ADAMTS12: variants seen among roughly 807,000 people sequenced by gnomAD.
ADAMTS12 encodes the protein ADAM metallopeptidase with thrombospondin type 1 motif 12, also known as A disintegrin and metalloproteinase with thrombospondin motifs 12.
ADAMTS12 carries 118 observed loss-of-function variants against 167.8 expected under a neutral mutation model. The ratio of observed to expected loss-of-function variants is 0.70; its 90% CI spans 0.61 to 0.82. The LOEUF (loss-of-function observed/expected upper bound fraction) is 0.82. Among genes scored for constraint, ADAMTS12 ranks in the 40% least tolerant of loss-of-function variants. The pLI, the probability that ADAMTS12 is intolerant of heterozygous loss-of-function variation, is 0.00. For missense variants in ADAMTS12, 1,916 were observed against 1,998.8 expected (o/e 0.96, Z 0.79); for synonymous variants, 704 against 716.9 (o/e 0.98, Z 0.29).
At chr5:33,854,945 A>C (rs1033809957) in intron 2 of ADAMTS12, among the ~76,000 whole-genome samples, 1 of 152,196 alleles carries the variant, frequency 6.6e-6, no homozygotes, top group Non-Finnish European at 1.5e-5. Context: ...GAGGGACAAC[A>C]AACCCTGACA....
intron 2 of ADAMTS12, among the ~76,000 whole-genome samples, chr5:33,862,507 C>T (rs1340348269): frequency 6.6e-6 from 1 of 152,060 alleles, no homozygotes; most frequent in Non-Finnish European, 1.5e-5. Flanking sequence ...AAGTCAAATC[C>T]CTGAATAGAC....
chr5:33,804,058 G>C (rs1232416781), intron 2 of ADAMTS12, among the ~76,000 whole-genome samples: 1 of 152,102 alleles, frequency 6.6e-6, no homozygotes, highest in Non-Finnish European at 1.5e-5. Flanking sequence ...ATTAAAAATG[G>C]AGACAGATAT....
intron 3 of ADAMTS12, among the ~76,000 whole-genome samples, chr5:33,698,399 G>A (rs1742862715): frequency 6.6e-6 from 1 of 152,040 alleles, no homozygotes; most frequent in Non-Finnish European, 1.5e-5. Flanking sequence ...GTCCCTAACT[G>A]AGCAGTAACT....
At chr5:33,596,920 G>C (rs1406394782) in intron 16 of ADAMTS12, among the ~76,000 whole-genome samples, 1 of 152,168 alleles carries the variant, frequency 6.6e-6, no homozygotes, top group Non-Finnish European at 1.5e-5. Flanking sequence ...TGCCTTCAGA[G>C]ACCAGGTAGT....
At chr5:33,634,995 C>A (rs11748713) in intron 12 of ADAMTS12, among the ~76,000 whole-genome samples, 35,256 of 151,876 alleles carry the variant, frequency 0.23, 4,257 homozygotes, top group South Asian at 0.3. Flanking sequence ...CTGACTAGTT[C>A]GGATTACAGG....
At chr5:33,569,334 G>T (rs1401926026) in intron 19 of ADAMTS12, among the ~76,000 whole-genome samples, 1 of 152,192 alleles carries the variant, frequency 6.6e-6, no homozygotes, top group Non-Finnish European at 1.5e-5. Flanking sequence ...CAGCCTAACT[G>T]GGAGGCACCC....
intron 14 of ADAMTS12, among the ~76,000 whole-genome samples, chr5:33,617,835 C>T (rs953196846): frequency 6.6e-6 from 1 of 151,730 alleles, no homozygotes; most frequent in Non-Finnish European, 1.5e-5. Flanking sequence ...TTTTATTCTT[C>T]CACTTAAGAG....
chr5:33,650,735 T>C (rs1423070815), intron 7 of ADAMTS12, among the ~76,000 whole-genome samples: 2 of 152,186 alleles, frequency 1.3e-5, no homozygotes, highest in Non-Finnish European at 2.9e-5. Context: ...AAGCCTTTGT[T>C]TATAAGCCAC....
At chr5:33,666,337 T>G (rs781097535) in intron 5 of ADAMTS12, among the ~76,000 whole-genome samples, 8 of 152,278 alleles carry the variant, frequency 5.3e-5, no homozygotes, top group Non-Finnish European at 8.8e-5. Context: ...CAACCTTCAT[T>G]TACTCCAAAA....
intron 16 of ADAMTS12, 152 bp downstream of exon 16, chr5:33,614,086 C>G (rs758212789): frequency 1.1e-5 from 11 of 1,034,372 alleles, no homozygotes; most frequent in Admixed American, 2.8e-5. Flanking sequence ...TCAAACCATG[C>G]CCATGTTCAC....
chr5:33,806,420 G>T (rs1747232682), intron 2 of ADAMTS12, among the ~76,000 whole-genome samples: 1 of 152,196 alleles, frequency 6.6e-6, no homozygotes, highest in Admixed American at 6.5e-5. Flanking sequence ...CCAGTCTGTG[G>T]AATGGAATGG....
intron 2 of ADAMTS12, among the ~76,000 whole-genome samples, chr5:33,832,872 T>A (rs1748354464): frequency 6.6e-6 from 1 of 152,102 alleles, no homozygotes; most frequent in Admixed American, 6.5e-5. Context: ...GACTGAACAA[T>A]TGGCCTGAAA....
At chr5:33,653,823 C>T (rs1414270344) in intron 7 of ADAMTS12, among the ~76,000 whole-genome samples, 1 of 152,150 alleles carries the variant, frequency 6.6e-6, no homozygotes. Flanking sequence ...CTCTCACCTT[C>T]TTAAATATGT....
chr5:33,682,922 G>A lies in ADAMTS12; in HGVS notation c.915+96C>T, dbSNP rs558935903. On this transcript the variant is annotated intron_variant, in intron 5 of 23. Transcript: ENST00000504830. ...CTCGATGGGCTTCCAAACACTTTCT[G>A]GTACCCTCTTTCTTGTCTACCAAGA... 6 of 956,248 alleles carry A rather than the reference G, an allele frequency of 6.3e-6. No individual in the cohort carries two copies. In the Admixed American group the frequency reaches 9.7e-5, roughly 15 times the overall value. 59.2% of individuals were successfully genotyped at this position (956,248 alleles called of 1,614,324 possible).
chr5:33,849,504 C>CACAGCA (rs1749120574), intron 2 of ADAMTS12, among the ~76,000 whole-genome samples: 1 of 136,790 alleles, frequency 7.3e-6, no homozygotes, highest in Non-Finnish European at 1.5e-5. Flanking sequence ...ATATGTATTG[C>CACAGCA]ATAGCAATAT....
At chr5:33,797,478 AAAGATTCTGGG>A (rs1746824990) in intron 2 of ADAMTS12, among the ~76,000 whole-genome samples, 1 of 143,636 alleles carries the variant, frequency 7.0e-6, no homozygotes, top group Non-Finnish European at 1.6e-5. Context: ...AACACAGGAG[AAAGATTCTGGG>A]ATCCAGAGGG....
At chr5:33,744,785 A>C (rs913336454) in intron 3 of ADAMTS12, among the ~76,000 whole-genome samples, 1 of 152,166 alleles carries the variant, frequency 6.6e-6, no homozygotes, top group African/African-American at 2.4e-5. Context: ...TGAAGCTAGA[A>C]ATGTTGTCAT....
At chr5:33,621,114 T>C (rs554374469) in intron 14 of ADAMTS12, among the ~76,000 whole-genome samples, 2 of 152,126 alleles carry the variant, frequency 1.3e-5, no homozygotes, top group South Asian at 2.1e-4. Context: ...CTTGAGCACA[T>C]TGAGCTGAAA....
Position 33,576,159 on chromosome 5 carries a change from A to T in ADAMTS12, c.3867T>A (p.Asp1289Glu). Reference protein sequence around the residue: ...KSSEPVLTEEDATSLITEGFL... With the variant: ...KSSEPVLTEEEATSLITEGFL... ...AGCCCTCAGTAATCAGACTTGTTGC[A>T]TCCTCCTCAGTCAGGACTGGTTCAG... Residue 1289 changes from aspartate (D) to glutamate (E), a missense_variant, in exon 19 of 24, where the codon GAT becomes GAA. Coordinates refer to ENST00000504830, the MANE Select transcript of ADAMTS12 (RefSeq NM_030955.4). The T allele has an allele frequency of 6.2e-7, 1 of 1,614,180 alleles. No individual in the cohort carries two copies. Among genetic ancestry groups the T allele is most frequent in the South Asian group, 1.1e-5 (1 of 91,078 alleles).
Sources: allele counts gnomAD v4.1 joint callset (sites outside exome capture counted in the v4.1 genomes callset), GRCh38; gene constraint gnomAD v4.1.1; transcripts MANE v1.5; gene names NCBI Gene and HGNC (gene_info 2026-07-23, HGNC 2026-07-21).